CEP192: variants seen among roughly 807,000 people sequenced by gnomAD.
CEP192 encodes the protein centrosomal protein 192, also known as centrosomal protein of 192 kDa.
Under a neutral mutation model 271.8 loss-of-function variants are expected in CEP192, and 151 were observed. The observed-to-expected ratio is 0.56, with a 90% CI of 0.49 to 0.64. The LOEUF is 0.64. CEP192 is among the 30% of genes least tolerant of loss of function. The pLI is 0.00. For synonymous variants in CEP192, 995 were observed against 1,076.5 expected, an observed-to-expected ratio of 0.92 and a Z score of 1.48; for missense variants, 2,910 against 3,020.5, an observed-to-expected ratio of 0.96 and a Z score of 0.86.
intron 30 of CEP192, among the ~76,000 whole-genome samples, chr18:13,077,689 TTCTTA>T (rs1340164705): frequency 6.6e-6 from 1 of 152,186 alleles, no homozygotes; most frequent in East Asian, 1.9e-4. Flanking sequence ...GTTGTTTGAG[TTCTTA>T]TCTTTAGCTT....
chr18:13,013,092 A>G (rs1323216572), intron 5 of CEP192, 67 bp downstream of exon 5: 16 of 761,004 alleles, frequency 2.1e-5, no homozygotes, highest in Non-Finnish European at 3.1e-5. Flanking sequence ...CATATTTCGC[A>G]TATATAACTG....
intron 30 of CEP192, among the ~76,000 whole-genome samples, chr18:13,074,524 G>C (rs1281919279): frequency 6.6e-6 from 1 of 152,160 alleles, no homozygotes; most frequent in African/African-American, 2.4e-5. Context: ...TGTTCTCAAG[G>C]AAGAATCTCT....
At chr18:13,063,851 C>T (rs913359379) in intron 21 of CEP192, among the ~76,000 whole-genome samples, 7 of 146,278 alleles carry the variant, frequency 4.8e-5, no homozygotes, top group Non-Finnish European at 7.5e-5. Context: ...AATGGAGTCT[C>T]GCTCTGTCAC....
At chr18:13,114,672 A>G (rs904802656) in intron 42 of CEP192, among the ~76,000 whole-genome samples, 2 of 152,136 alleles carry the variant, frequency 1.3e-5, no homozygotes, top group African/African-American at 4.8e-5. Flanking sequence ...TGGAATGATT[A>G]TTAATTAAGG....
Position 13,096,204 on chromosome 18 carries a change from C to CA in CEP192, c.6454_6455insA (p.Arg2152GlnfsTer7). 1 of 1,613,926 alleles carries CA rather than the reference C, an allele frequency of 6.2e-7. No homozygotes were observed. Among genetic ancestry groups the CA allele is most frequent in the East Asian group, 2.2e-5 (1 of 44,882 alleles). On this transcript the variant is annotated frameshift_variant, in exon 36 of 45. Coordinates refer to ENST00000506447, the MANE Select transcript of CEP192 (RefSeq NM_032142.4). LOFTEE classifies it high-confidence loss of function. Reference sequence around the variant, plus strand: ...AATAGGTGACATGGCAAAAACTGGACGTTTCCAGATTGTGAATAACTCTGT... The same window carrying CA: ...AATAGGTGACATGGCAAAAACTGGACAGTTTCCAGATTGTGAATAACTCTGT...
chr18:13,030,632 T>C, intron 11 of CEP192, 24 bp downstream of exon 11: 1 of 1,547,800 alleles, frequency 6.5e-7, no homozygotes, highest in East Asian at 2.3e-5. Flanking sequence ...TAAACATTTA[T>C]TATAACATTT....
chr18:13,095,481 T>A (rs74364514), intron 34 of CEP192, 22 bp from the exon 35 acceptor site: 35,773 of 1,578,296 alleles, frequency 0.023, 490 homozygotes, highest in Non-Finnish European at 0.027. Context: ...TCTAACTTTT[T>A]CATTTTTAAA....
In CEP192 at chr18:13,105,951, A is replaced by G. The variant is rs1295812871; in HGVS notation, c.7047+872A>G. On this transcript the variant is annotated intron_variant, in intron 40 of 44. Coordinates refer to ENST00000506447, the MANE Select transcript of CEP192 (RefSeq NM_032142.4). ...GTTAAGTCCCTAAATTGATCTACATATTCAGCACAGTCCCAATCAAAACCC... is the reference window on the plus strand; with the variant it reads ...GTTAAGTCCCTAAATTGATCTACATGTTCAGCACAGTCCCAATCAAAACCC... Among the ~76,000 whole-genome samples the G allele has an allele frequency of 5.9e-5, 9 of 152,292 alleles. No individual in the cohort carries two copies. In the East Asian group the frequency reaches 1.7e-3, roughly 29 times the overall value.
intron 37 of CEP192, 152 bp from the exon 38 acceptor site, chr18:13,100,153 T>G: frequency 3.1e-6 from 2 of 644,070 alleles, no homozygotes; most frequent in South Asian, 4.0e-5. Context: ...GTCACAGATT[T>G]ACCTTGAGAT....
intron 27 of CEP192, among the ~76,000 whole-genome samples, chr18:13,070,277 G>T (rs1271958749): frequency 6.6e-6 from 1 of 152,184 alleles, no homozygotes; most frequent in Non-Finnish European, 1.5e-5. Context: ...AATACATGGT[G>T]TGACTCTGTT....
chr18:13,010,951 G>A (rs2034312950), intron 4 of CEP192, among the ~76,000 whole-genome samples: 2 of 152,082 alleles, frequency 1.3e-5, no homozygotes, highest in South Asian at 4.1e-4. Flanking sequence ...ATGAGGCTGG[G>A]CACAATGGTT....
chr18:12,996,525 G>A (rs182290816), intron 1 of CEP192, among the ~76,000 whole-genome samples: 1 of 152,244 alleles, frequency 6.6e-6, no homozygotes, highest in Admixed American at 6.5e-5. Flanking sequence ...AGATGGAGGT[G>A]TACATTTTAC....
chr18:13,031,437 C>T (rs575596407), intron 11 of CEP192, among the ~76,000 whole-genome samples: 22 of 151,906 alleles, frequency 1.4e-4, no homozygotes, highest in Admixed American at 5.2e-4. Context: ...TTAGTAGAGA[C>T]GGGGTTTCAC....
intron 34 of CEP192, among the ~76,000 whole-genome samples, chr18:13,093,998 C>G (rs1311778958): frequency 1.3e-5 from 2 of 152,148 alleles, no homozygotes; most frequent in South Asian, 2.1e-4. Flanking sequence ...TACCAATGAC[C>G]TTGATGTTTT....
intron 11 of CEP192, among the ~76,000 whole-genome samples, chr18:13,036,006 G>A (rs2035896046): frequency 6.6e-6 from 1 of 151,902 alleles, no homozygotes; most frequent in African/African-American, 2.4e-5. Flanking sequence ...ATTAGCTGAG[G>A]GTGGTGGCAC....
chr18:13,095,767 C>A, intron 35 of CEP192, 86 bp downstream of exon 35: 2 of 1,148,192 alleles, frequency 1.7e-6, no homozygotes, highest in Non-Finnish European at 2.5e-6. Flanking sequence ...ATCCAAGACA[C>A]ACATGGGCTC....
intron 30 of CEP192, among the ~76,000 whole-genome samples, chr18:13,084,394 G>A (rs766709456): frequency 1.3e-5 from 2 of 152,192 alleles, no homozygotes; most frequent in African/African-American, 4.8e-5. Flanking sequence ...TGTGTTAGCA[G>A]TGAGCAAGGC....
chr18:13,006,098 T>A (rs1303229044), intron 3 of CEP192, among the ~76,000 whole-genome samples: 2 of 152,168 alleles, frequency 1.3e-5, no homozygotes, highest in East Asian at 3.8e-4. Context: ...AGTTTTTCCT[T>A]TTCTTTTTCC....
chr18:13,015,951 G>A (rs1265050093), intron 6 of CEP192, among the ~76,000 whole-genome samples: 1 of 152,010 alleles, frequency 6.6e-6, no homozygotes, highest in South Asian at 2.1e-4. Flanking sequence ...TCACCATGTT[G>A]GCCAGGCTGG....
Sources: allele counts gnomAD v4.1 joint callset (sites outside exome capture counted in the v4.1 genomes callset), GRCh38; gene constraint gnomAD v4.1.1; transcripts MANE v1.5; gene names NCBI Gene and HGNC (gene_info 2026-07-23, HGNC 2026-07-21).